The following TSNARE1 variants were observed in gnomAD, a reference collection of about 807,000 sequenced individuals.
TSNARE1 encodes the protein t-SNARE domain containing 1, also known as t-SNARE domain-containing protein 1.
A neutral mutation model predicts 62.0 loss-of-function variants in TSNARE1; 49 were observed. The observed-to-expected ratio is 0.79, with a 90% CI of 0.63 to 1.00. The LOEUF (loss-of-function observed/expected upper bound fraction) is 1.00. Ranked by LOEUF, TSNARE1 falls within the 50% of genes least tolerant of loss-of-function variation. The pLI is 0.00. For synonymous variants in TSNARE1, 328 were observed against 294.4 expected (o/e 1.11, Z -1.17); for missense variants, 755 against 700.1 (o/e 1.08, Z -0.88).
chr8:142,233,320 G>A (rs767893080), intron 12 of TSNARE1, among the ~76,000 whole-genome samples: 2 of 152,206 alleles, frequency 1.3e-5, no homozygotes, highest in Non-Finnish European at 2.9e-5. Context: ...GGACCCAAGC[G>A]GGGTTTTTGG....
chr8:142,402,018 G>A (rs1838327514), intron 1 of TSNARE1, among the ~76,000 whole-genome samples: 2 of 152,144 alleles, frequency 1.3e-5, no homozygotes, highest in Admixed American at 1.3e-4. Flanking sequence ...AAAACAAGCA[G>A]ATGAGTGACA....
At chr8:142,393,281 A>C (rs1218544691) in intron 1 of TSNARE1, among the ~76,000 whole-genome samples, 1 of 152,134 alleles carries the variant, frequency 6.6e-6, no homozygotes, top group Admixed American at 6.5e-5. Flanking sequence ...GCTTCAACTG[A>C]CGACATTACG....
chr8:142,253,905 C>T (rs1287056059), intron 12 of TSNARE1, among the ~76,000 whole-genome samples: 2 of 152,344 alleles, frequency 1.3e-5, no homozygotes, highest in East Asian at 3.9e-4. Context: ...CCTCAGGTTC[C>T]CCCGACCCAG....
In TSNARE1 at chr8:142,284,911, T is replaced by TAG. The variant is rs1822425124; in HGVS notation, c.1291-427_1291-426insCT. 2.0e-5 allele frequency among the ~76,000 whole-genome samples: 3 copies of TAG among 152,342 alleles called. No homozygotes were observed. In the Middle Eastern group the frequency reaches 0.01, roughly 518 times the overall value. On this transcript the variant is annotated intron_variant, in intron 10 of 13. Coordinates refer to ENST00000524325, the MANE Select transcript of TSNARE1 (RefSeq NM_145003.5). ...GAGAGCAGAGAATGTCTAGGGCAGA[T>TAG]ATACCATCCCCACTTGCCTGGGTGC...
At position 142,344,310 on chromosome 8, in the gene TSNARE1, T is replaced by A; in HGVS notation, c.401A>T (p.Glu134Val). 6.3e-7 allele frequency: 1 copy of A among 1,593,778 alleles called. No individual in the cohort carries two copies. The highest frequency in any genetic ancestry group is 8.6e-7 in the Non-Finnish European group (1 of 1,166,464). Residue 134 changes from glutamate (E) to valine (V), a missense_variant, in exon 4 of 14, where the codon GAG (glutamate) becomes GTG (valine). Coordinates refer to ENST00000524325, the MANE Select transcript of TSNARE1 (RefSeq NM_145003.5). Reference sequence around the variant, plus strand: ...CTTGCTCACCTTGGACACCAGCACCTCGGTCTCCTGCGGGCAGAAGTTGGG... The same window carrying A: ...CTTGCTCACCTTGGACACCAGCACCACGGTCTCCTGCGGGCAGAAGTTGGG... Reference protein sequence around the residue: ...RKPNFCPQETEVLVSKVSKHH... With the variant: ...RKPNFCPQETVVLVSKVSKHH...
chr8:142,218,237 G>A (rs1816031160), intron 13 of TSNARE1, among the ~76,000 whole-genome samples: 2 of 91,930 alleles, frequency 2.2e-5, no homozygotes, highest in African/African-American at 9.6e-5. Flanking sequence ...ACCAAGATCT[G>A]GGTTCAGTGT....
intron 11 of TSNARE1, among the ~76,000 whole-genome samples, chr8:142,282,438 G>A (rs1027053104): frequency 3.9e-5 from 6 of 151,958 alleles, no homozygotes; most frequent in Non-Finnish European, 8.8e-5. Flanking sequence ...GCGGAGCAGG[G>A]GCCAGTGTCT....
intron 12 of TSNARE1, among the ~76,000 whole-genome samples, chr8:142,265,480 T>C (rs1819088306): frequency 1.3e-5 from 2 of 152,234 alleles, no homozygotes; most frequent in Non-Finnish European, 2.9e-5. Flanking sequence ...TGGCAGTCTG[T>C]TCACCTGCTC....
At chr8:142,374,573 G>A (rs1009820397) in intron 1 of TSNARE1, among the ~76,000 whole-genome samples, 3 of 151,824 alleles carry the variant, frequency 2.0e-5, no homozygotes, top group East Asian at 1.9e-4. Flanking sequence ...CAGGCTACTC[G>A]GGAAGCTGAG....
At chr8:142,261,368 G>A (rs1818878820) in intron 12 of TSNARE1, among the ~76,000 whole-genome samples, 1 of 129,498 alleles carries the variant, frequency 7.7e-6, no homozygotes, top group African/African-American at 2.9e-5. Flanking sequence ...GATGAGGGAG[G>A]AGGGATGGAG....
chr8:142,340,190 C>A (rs1007682513), intron 4 of TSNARE1, among the ~76,000 whole-genome samples: 1 of 152,192 alleles, frequency 6.6e-6, no homozygotes, highest in African/African-American at 2.4e-5. Context: ...GAGCACCAGT[C>A]CAAAAAGAAC....
intron 1 of TSNARE1, among the ~76,000 whole-genome samples, chr8:142,363,976 G>A (rs1241954884): frequency 6.6e-6 from 1 of 152,210 alleles, no homozygotes; most frequent in Non-Finnish European, 1.5e-5. Flanking sequence ...TCCAGGTGAG[G>A]AAGAAGAGTC....
chr8:142,329,863 A>G (rs1830758440), intron 6 of TSNARE1, among the ~76,000 whole-genome samples: 1 of 152,210 alleles, frequency 6.6e-6, no homozygotes, highest in African/African-American at 2.4e-5. Context: ...TAAGAATAGA[A>G]CTGCCCTGAA....
At chr8:142,391,271 T>C (rs1406008781) in intron 1 of TSNARE1, among the ~76,000 whole-genome samples, 1 of 148,414 alleles carries the variant, frequency 6.7e-6, no homozygotes, top group Non-Finnish European at 1.5e-5. Context: ...TAACAGACGC[T>C]GTACACTGCT....
intron 12 of TSNARE1, among the ~76,000 whole-genome samples, chr8:142,232,336 C>T (rs920990388): frequency 6.6e-6 from 1 of 152,280 alleles, no homozygotes; most frequent in African/African-American, 2.4e-5. Flanking sequence ...TGCCCATGCC[C>T]TGCCCAGACT....
At chr8:142,234,911 C>T (rs139844149) in intron 12 of TSNARE1, among the ~76,000 whole-genome samples, 11 of 152,024 alleles carry the variant, frequency 7.2e-5, no homozygotes, top group Non-Finnish European at 1.5e-4. Flanking sequence ...CCTTGTCCCC[C>T]GCAACACCTT....
In TSNARE1 at chr8:142,271,061, G is replaced by C. The variant is rs1819483363; in HGVS notation, c.1446+3720C>G. ...ACTGGAGGCCCTGCTCCTGCCCTTT[G>C]GCTCTGCCAGCACCCCCGACCAGCC... On this transcript the variant is annotated intron_variant, in intron 12 of 13. Transcript: ENST00000524325. 1.1e-5 allele frequency: 11 copies of C among 985,828 alleles called. No individual in the cohort carries two copies. In the South Asian group the frequency reaches 4.7e-4, roughly 42 times the overall value. 61.1% of individuals were successfully genotyped at this position (985,828 alleles called of 1,614,324 possible).
At chr8:142,235,270 A>C (rs1817348708) in intron 12 of TSNARE1, among the ~76,000 whole-genome samples, 1 of 151,880 alleles carries the variant, frequency 6.6e-6, no homozygotes, top group Non-Finnish European at 1.5e-5. Context: ...TGACTCACCC[A>C]GGATACCCAC....
intron 12 of TSNARE1, among the ~76,000 whole-genome samples, chr8:142,255,518 C>T (rs200788392): frequency 4.1e-5 from 1 of 24,454 alleles, no homozygotes; most frequent in Non-Finnish European, 8.2e-5. Context: ...GTCACCATCA[C>T]CACCACCACC....
Sources: gnomAD v4.1 joint callset for allele counts (sites outside exome capture counted in the v4.1 genomes callset) on GRCh38, gnomAD v4.1.1 for gene constraint, MANE v1.5 for transcripts, NCBI Gene and HGNC (gene_info 2026-07-23, HGNC 2026-07-21) for gene names.